SERGEF: variants seen among roughly 807,000 people sequenced by gnomAD.
SERGEF encodes secretion regulating guanine nucleotide exchange factor.
Under a neutral mutation model 50.0 loss-of-function variants are expected in SERGEF, and 51 were observed. The observed-to-expected ratio is 1.02, with a 90% CI of 0.81 to 1.29. SERGEF has a LOEUF of 1.29. Ranked by LOEUF, SERGEF falls within the 50% of genes most tolerant of loss-of-function variation. SERGEF has a pLI of 0.00. For synonymous variants in SERGEF, 205 were observed against 212.4 expected (o/e 0.97, Z 0.30); for missense variants, 521 against 557.0 (o/e 0.94, Z 0.65).
intron 1 of SERGEF, among the ~76,000 whole-genome samples, chr11:18,010,689 T>C (rs1854176626): frequency 6.6e-6 from 1 of 152,228 alleles, no homozygotes; most frequent in Non-Finnish European, 1.5e-5. Context: ...ACTTGTTTAC[T>C]GTACACCACC....
chr11:18,012,470 C>A, intron 1 of SERGEF: 1 of 1,076,444 alleles, frequency 9.3e-7, no homozygotes, highest in Non-Finnish European at 1.1e-6. Flanking sequence ...AGGGTCTGTG[C>A]CTTGTGCGCG....
intron 10 of SERGEF, among the ~76,000 whole-genome samples, chr11:17,820,681 C>G (rs1850064412): frequency 6.6e-6 from 1 of 152,154 alleles, no homozygotes; most frequent in Non-Finnish European, 1.5e-5. Flanking sequence ...ATGCCTTAAC[C>G]CCCAGAACTT....
In SERGEF at chr11:17,884,108, G is replaced by C. The variant is rs1016565516; in HGVS notation, c.1012-5864C>G. Among the ~76,000 whole-genome samples the C allele has an allele frequency of 4.6e-5, 7 of 152,174 alleles. No individual in the cohort carries two copies. Among genetic ancestry groups the C allele is most frequent in the Non-Finnish European group, 1.0e-4 (7 of 68,028 alleles). On this transcript the variant is annotated intron_variant, in intron 9 of 10. Coordinates refer to ENST00000265965, the MANE Select transcript of SERGEF (RefSeq NM_012139.4). This position sits in a 1 kb window ranked among gnomAD's most constrained non-coding sequence, Gnocchi z 4.6. ...AGGGGTAGCCAGCCGCAGCCCAAAG[G>C]CCACCCAGGGTGCCAGATGGACAGC...
intron 10 of SERGEF, among the ~76,000 whole-genome samples, chr11:17,820,727 A>G (rs1394396322): frequency 6.6e-6 from 1 of 152,230 alleles, no homozygotes; most frequent in Non-Finnish European, 1.5e-5. Context: ...GGGTCTTTGC[A>G]CATATAATTA....
At chr11:17,828,321 T>G (rs2158397) in intron 10 of SERGEF, among the ~76,000 whole-genome samples, 149,077 of 152,342 alleles carry the variant, frequency 0.98, 72,962 homozygotes, top group East Asian at 1. Context: ...TGTAAGCCGG[T>G]ACGCATTCAT....
intron 9 of SERGEF, among the ~76,000 whole-genome samples, chr11:17,920,120 G>A (rs986802362): frequency 4.0e-5 from 6 of 149,446 alleles, no homozygotes; most frequent in Admixed American, 6.7e-5. Flanking sequence ...GGTGGCACGC[G>A]CCTGTAGTCC....
chr11:17,886,071 C>T (rs899344495), intron 9 of SERGEF, among the ~76,000 whole-genome samples: 7 of 152,120 alleles, frequency 4.6e-5, no homozygotes, highest in African/African-American at 1.4e-4. Context: ...GCCCCCCGCC[C>T]CCACTTCCTA....
Position 18,013,040 on chromosome 11 carries a change from G to A in SERGEF, c.-30C>T, listed in dbSNP as rs1443992074. On this transcript the variant is annotated 5_prime_UTR_variant, in exon 1 of 11. Transcript: ENST00000265965. The surrounding 1 kb of genome is among the most constrained non-coding windows in gnomAD (Gnocchi z 4.3). ...GGACGCTCCGCCGGCGCTTCCGGGAGGGACGGCACGGGGGCGGCGCCTGCC... is the reference window on the plus strand; with the variant it reads ...GGACGCTCCGCCGGCGCTTCCGGGAAGGACGGCACGGGGGCGGCGCCTGCC... 2 of 1,343,714 alleles carry A rather than the reference G, an allele frequency of 1.5e-6. No homozygotes were observed. Among genetic ancestry groups the A allele is most frequent in the Non-Finnish European group, 1.9e-6 (2 of 1,056,760 alleles). 83.2% of individuals were successfully genotyped at this position (1,343,714 alleles called of 1,614,324 possible). A position where few individuals can be genotyped will look rare whatever the true frequency, so the allele number is the denominator to read the frequency against.
intron 10 of SERGEF, among the ~76,000 whole-genome samples, chr11:17,833,931 C>CGGATGAGACTCTGGACTGTG (rs1436466573): frequency 6.6e-6 from 1 of 152,158 alleles, no homozygotes; most frequent in Non-Finnish European, 1.5e-5. Flanking sequence ...TGCCTGGTCT[C>CGGATGAGACTCTGGACTGTG]GGATGAGACT....
intron 8 of SERGEF, among the ~76,000 whole-genome samples, chr11:17,984,374 A>G (rs2133992650): frequency 6.6e-6 from 1 of 152,308 alleles, no homozygotes; most frequent in South Asian, 2.1e-4. Flanking sequence ...GAGCAGGCGC[A>G]AGGCAGCAAG....
chr11:17,804,613 G>C (rs1763798317), intron 10 of SERGEF, among the ~76,000 whole-genome samples: 1 of 152,150 alleles, frequency 6.6e-6, no homozygotes. Flanking sequence ...TTGTAAAATG[G>C]AAGCATAGTA....
intron 10 of SERGEF, among the ~76,000 whole-genome samples, chr11:17,794,301 T>C (rs1309846424): frequency 6.6e-6 from 1 of 152,200 alleles, no homozygotes; most frequent in African/African-American, 2.4e-5. Context: ...TCACTGGGAA[T>C]GTGGATGCGA....
At chr11:17,978,802 C>T (rs1853433209) in intron 8 of SERGEF, among the ~76,000 whole-genome samples, 1 of 152,186 alleles carries the variant, frequency 6.6e-6, no homozygotes, top group South Asian at 2.1e-4. Flanking sequence ...GCCCTTTCAG[C>T]TCTGACCTTA....
At chr11:18,004,982 A>C (rs1854044638) in intron 3 of SERGEF, among the ~76,000 whole-genome samples, 1 of 152,194 alleles carries the variant, frequency 6.6e-6, no homozygotes, top group African/African-American at 2.4e-5. Context: ...CCTCCCTCTC[A>C]GTCATTCTAG....
chr11:17,826,175 A>G (rs1450176459), intron 10 of SERGEF, among the ~76,000 whole-genome samples: 1 of 152,240 alleles, frequency 6.6e-6, no homozygotes, highest in Non-Finnish European at 1.5e-5. Context: ...ATATCATTTA[A>G]TCTTCACCAT....
chr11:17,839,738 C>T (rs1230296278), intron 10 of SERGEF, among the ~76,000 whole-genome samples: 1 of 152,140 alleles, frequency 6.6e-6, no homozygotes, highest in African/African-American at 2.4e-5. Flanking sequence ...TCAGAGGCTC[C>T]GAAGCCTTCT....
chr11:17,816,678 C>A (rs1483446785), intron 10 of SERGEF, among the ~76,000 whole-genome samples: 1 of 152,212 alleles, frequency 6.6e-6, no homozygotes, highest in Non-Finnish European at 1.5e-5. Context: ...TGGCCAGCCA[C>A]CCCAAAGTGC....
chr11:17,949,492 A>T (rs1239275399), intron 9 of SERGEF, among the ~76,000 whole-genome samples: 2 of 152,070 alleles, frequency 1.3e-5, no homozygotes, highest in Admixed American at 1.3e-4. Context: ...CCAAACAGTG[A>T]CTAAGGATCC....
intron 9 of SERGEF, among the ~76,000 whole-genome samples, chr11:17,898,081 G>A (rs1418296746): frequency 3.9e-5 from 6 of 152,304 alleles, no homozygotes; most frequent in African/African-American, 1.2e-4. Flanking sequence ...TGGCAGGGCT[G>A]AGCATTCATG....
Sources: allele counts gnomAD v4.1 joint callset (sites outside exome capture counted in the v4.1 genomes callset), GRCh38; gene constraint gnomAD v4.1.1; non-coding constraint Gnocchi (gnomAD v3.1); transcripts MANE v1.5; gene names NCBI Gene and HGNC (gene_info 2026-07-23, HGNC 2026-07-21).